The following RGL1 variants were observed in gnomAD, a reference collection of about 807,000 sequenced individuals.
RGL1 encodes the protein ral guanine nucleotide dissociation stimulator-like 1.
Under a neutral mutation model 95.2 loss-of-function variants are expected in RGL1, and 24 were observed. The observed-to-expected ratio is 0.25, with a 90% CI of 0.18 to 0.35. RGL1 has a LOEUF of 0.35. RGL1 is among the 10% of genes least tolerant of loss of function. The pLI, the probability that RGL1 is intolerant of heterozygous loss-of-function variation, is 1.00. For missense variants in RGL1, 715 were observed against 936.3 expected (o/e 0.76, Z 3.08); for synonymous variants, 329 against 344.9 (o/e 0.95, Z 0.51).
chr1:183,792,450 G>A (rs769786282), intron 2 of RGL1, among the ~76,000 whole-genome samples: 4 of 152,044 alleles, frequency 2.6e-5, no homozygotes, highest in Non-Finnish European at 5.9e-5. Flanking sequence ...TTTATTCAAC[G>A]TAGTAGTGGA....
In RGL1 at chr1:183,920,138, G is replaced by A. The variant is rs539121489; in HGVS notation, c.2005-2084G>A. 1.3e-4 allele frequency among the ~76,000 whole-genome samples: 19 copies of A among 151,938 alleles called. No individual in the cohort carries two copies. In the East Asian group the frequency reaches 2.9e-3, roughly 23 times the overall value. On this transcript the variant is annotated intron_variant, in intron 16 of 17. Transcript: ENST00000360851. ...CAACCTCTGCCTCCCTGGTTCAAGC[G>A]GTTCTCCTGCCTCAGCCTCCTGAGT...
chr1:183,816,611 G>A (rs1662105120), intron 2 of RGL1, among the ~76,000 whole-genome samples: 1 of 152,152 alleles, frequency 6.6e-6, no homozygotes, highest in South Asian at 2.1e-4. Context: ...ATGAGTTAAT[G>A]TGTATAAAAG....
At chr1:183,708,256 G>C (rs963124565) in intron 1 of RGL1, among the ~76,000 whole-genome samples, 9 of 152,006 alleles carry the variant, frequency 5.9e-5, no homozygotes, top group African/African-American at 2.2e-4. Context: ...GGGTAGGCTC[G>C]GGAGAACAGG....
intron 2 of RGL1, among the ~76,000 whole-genome samples, chr1:183,820,869 C>T (rs1385197546): frequency 6.6e-6 from 1 of 151,958 alleles, no homozygotes; most frequent in Non-Finnish European, 1.5e-5. Context: ...GCCTGTAATC[C>T]CAGCACTTTG....
rs1049801326 is a variant in RGL1 at position 183,926,405 on chromosome 1, T to C, written c.*113T>C. On this transcript the variant is annotated 3_prime_UTR_variant, in exon 18 of 18. Transcript: ENST00000360851. ...GAGGATCATTGGTGAAGTCAGCAGATATTTATTGAGTTCCTGTGGTGTGCA... is the reference window on the plus strand; with the variant it reads ...GAGGATCATTGGTGAAGTCAGCAGACATTTATTGAGTTCCTGTGGTGTGCA... 9 of 861,216 alleles carry C rather than the reference T, an allele frequency of 1.0e-5. No homozygotes were observed. In the African/African-American group the frequency reaches 1.2e-4, roughly 12 times the overall value. 53.3% of individuals were successfully genotyped at this position (861,216 alleles called of 1,614,324 possible).
intron 2 of RGL1, among the ~76,000 whole-genome samples, chr1:183,767,770 T>C (rs974220150): frequency 3.9e-5 from 6 of 152,108 alleles, no homozygotes; most frequent in Non-Finnish European, 4.4e-5. Context: ...CTGGCCAACA[T>C]AGTGAAACCC....
In RGL1 at chr1:183,668,977, G is replaced by A. The variant is rs572044150; in HGVS notation, c.-33+32476G>A. Among the ~76,000 whole-genome samples the A allele has an allele frequency of 2.7e-4, 35 of 128,550 alleles. No homozygotes were observed. The East Asian group carries it at 5.2e-3, about 19-fold the overall frequency. The allele number at this position is 128,550 out of a possible 152,430, so 84.3% of individuals were successfully genotyped here. ...TTTTGAGATGGAGTCTCACTCTGTC[G>A]CCAGGCTGGAGTGCAGTGGCAGTGG... On this transcript the variant is annotated intron_variant, in intron 1 of 18. Transcript: ENST00000304685.
intron 2 of RGL1, among the ~76,000 whole-genome samples, chr1:183,745,503 A>G (rs1381369116): frequency 2.6e-5 from 4 of 152,140 alleles, no homozygotes; most frequent in African/African-American, 7.2e-5. Flanking sequence ...ACAATCTGAA[A>G]TAGGGATATG....
chr1:183,884,674 A>G, intron 6 of RGL1, 49 bp from the exon 7 acceptor site: 6 of 1,497,088 alleles, frequency 4.0e-6, no homozygotes, highest in Non-Finnish European at 5.6e-6. Flanking sequence ...ATGCTTTGCC[A>G]TATGAAATGT....
chr1:183,760,120 A>G (rs1339052415), intron 2 of RGL1, among the ~76,000 whole-genome samples: 1 of 152,226 alleles, frequency 6.6e-6, no homozygotes, highest in East Asian at 1.9e-4. Flanking sequence ...ATTATACTGT[A>G]GGCTATTAAG....
intron 4 of RGL1, among the ~76,000 whole-genome samples, chr1:183,874,042 T>C (rs1354440718): frequency 6.6e-6 from 1 of 152,216 alleles, no homozygotes; most frequent in African/African-American, 2.4e-5. Flanking sequence ...AATGAGTTAT[T>C]GAGGTCCTTG....
intron 1 of RGL1, among the ~76,000 whole-genome samples, chr1:183,655,412 T>A (rs1490759633): frequency 6.6e-6 from 1 of 152,240 alleles, no homozygotes; most frequent in Non-Finnish European, 1.5e-5. Context: ...ATTCATCACT[T>A]TAGTAGCAGT....
intron 1 of RGL1, among the ~76,000 whole-genome samples, chr1:183,700,103 C>G (rs575297707): frequency 6.6e-6 from 1 of 152,298 alleles, no homozygotes; most frequent in South Asian, 2.1e-4. Context: ...GTTCTAATCC[C>G]TCTTCCCACT....
At chr1:183,704,081 C>A (rs1422685124) in intron 1 of RGL1, among the ~76,000 whole-genome samples, 1 of 152,142 alleles carries the variant, frequency 6.6e-6, no homozygotes, top group Non-Finnish European at 1.5e-5. Flanking sequence ...GAGGAGAGAA[C>A]AAGGACAGGG....
intron 8 of RGL1, among the ~76,000 whole-genome samples, chr1:183,888,851 A>G (rs977118630): frequency 6.6e-6 from 1 of 152,012 alleles, no homozygotes; most frequent in Non-Finnish European, 1.5e-5. Flanking sequence ...TTTGAGGGAT[A>G]AGGTTGTGGA....
chr1:183,647,739 G>C lies in RGL1; in HGVS notation c.-33+11238G>C, dbSNP rs763755155. 8.1e-6 allele frequency: 13 copies of C among 1,613,484 alleles called. No individual in the cohort carries two copies. In the South Asian group the frequency reaches 1.4e-4, roughly 18 times the overall value. On this transcript the variant is annotated intron_variant, in intron 1 of 18. Coordinates refer to the RGL1 transcript ENST00000304685. ...CTCCTTGCTACTTGCAAACTGTTCT[G>C]TGATTTCCACTATCTCCACTGACCT... is the stretch of plus-strand genomic sequence containing the variant.
chr1:183,869,434 A>G (rs977503003), intron 4 of RGL1, among the ~76,000 whole-genome samples: 15 of 152,234 alleles, frequency 9.9e-5, no homozygotes, highest in Admixed American at 6.5e-4. Context: ...AAGTCTCACA[A>G]TAACTTGGTG....
intron 15 of RGL1, 112 bp from the exon 16 acceptor site, chr1:183,916,335 G>A: frequency 3.1e-6 from 4 of 1,287,068 alleles, no homozygotes; most frequent in Non-Finnish European, 4.4e-6. Context: ...GGCTGTTGTG[G>A]AGGAAATAAC....
chr1:183,656,511 A>G (rs1651178144), intron 1 of RGL1, among the ~76,000 whole-genome samples: 1 of 152,192 alleles, frequency 6.6e-6, no homozygotes, highest in African/African-American at 2.4e-5. Context: ...CAACTGTTCA[A>G]ACTGTGTTCA....
Sources: gnomAD v4.1 joint callset for allele counts (sites outside exome capture counted in the v4.1 genomes callset) on GRCh38, gnomAD v4.1.1 for gene constraint, MANE v1.5 for transcripts, NCBI Gene and HGNC (gene_info 2026-07-23, HGNC 2026-07-21) for gene names.